Variants in DCHS2 observed in about 807,000 individuals in gnomAD.
DCHS2 encodes protocadherin-23.
A neutral mutation model predicts 182.4 loss-of-function variants in DCHS2; 142 were observed. The ratio of observed to expected loss-of-function variants is 0.78; its 90% CI spans 0.68 to 0.89. The LOEUF (loss-of-function observed/expected upper bound fraction) is 0.89. DCHS2 is among the 40% of genes least tolerant of loss of function. The pLI is 0.00. For synonymous variants in DCHS2, 1,740 were observed against 1,663.3 expected, an observed-to-expected ratio of 1.05 and a Z score of -1.12; for missense variants, 4,319 against 4,198.6, an observed-to-expected ratio of 1.03 and a Z score of -0.79.
chr4:154,272,532 T>C (rs1057372523), intron 13 of DCHS2, among the ~76,000 whole-genome samples: 7 of 152,022 alleles, frequency 4.6e-5, no homozygotes, highest in Non-Finnish European at 8.8e-5. Context: ...TGATAGTGAG[T>C]GAGTTCTCAT....
At chr4:154,481,415 CCA>C (rs984070025) in intron 1 of DCHS2, among the ~76,000 whole-genome samples, 1 of 152,006 alleles carries the variant, frequency 6.6e-6, no homozygotes, top group Non-Finnish European at 1.5e-5. Flanking sequence ...GTGCACATCA[CCA>C]CACCTGGCTA....
intron 1 of DCHS2, among the ~76,000 whole-genome samples, chr4:154,414,014 G>T (rs752474796): frequency 6.6e-6 from 1 of 151,580 alleles, no homozygotes; most frequent in Non-Finnish European, 1.5e-5. Flanking sequence ...TGCTTACTGG[G>T]GTTTATTATC....
chr4:154,455,097 C>T (rs1014659016), intron 1 of DCHS2, among the ~76,000 whole-genome samples: 2 of 152,160 alleles, frequency 1.3e-5, no homozygotes, highest in Non-Finnish European at 2.9e-5. Flanking sequence ...GTCAGAAGTC[C>T]AGTGTAGTAA....
At chr4:154,464,991 G>T (rs771666499) in intron 1 of DCHS2, among the ~76,000 whole-genome samples, 10 of 152,180 alleles carry the variant, frequency 6.6e-5, no homozygotes, top group Non-Finnish European at 1.0e-4. Context: ...CAGGCAACTG[G>T]CAGAAGGTTT....
intron 1 of DCHS2, among the ~76,000 whole-genome samples, chr4:154,457,907 T>TAATCAGGAC (rs1387433264): frequency 3.9e-5 from 6 of 152,208 alleles, no homozygotes; most frequent in African/African-American, 1.4e-4. Context: ...CTGATCTGGA[T>TAATCAGGAC]AATCAGGACA....
intron 3 of DCHS2, among the ~76,000 whole-genome samples, chr4:154,339,630 A>G (rs1421866366): frequency 6.6e-6 from 1 of 151,976 alleles, no homozygotes; most frequent in Non-Finnish European, 1.5e-5. Context: ...TTGTATTTTT[A>G]GTAGAGAGGG....
chr4:154,332,467 T>C lies in DCHS2; in HGVS notation c.3730+11A>G. 6.3e-7 allele frequency: 1 copy of C among 1,594,244 alleles called. No homozygotes were observed. The highest frequency in any genetic ancestry group is 8.6e-7 in the Non-Finnish European group (1 of 1,167,776). On this transcript the variant is annotated intron_variant, in intron 5 of 19. Coordinates refer to ENST00000357232, the MANE Select transcript of DCHS2 (RefSeq NM_001358235.2). ...ATTTTAAAGGAATAGGTGGAAACTATGAAGTGCTACCTGTATTAGGATTCA... is the reference window on the plus strand; with the variant it reads ...ATTTTAAAGGAATAGGTGGAAACTACGAAGTGCTACCTGTATTAGGATTCA...
intron 2 of DCHS2, among the ~76,000 whole-genome samples, chr4:154,376,738 T>C (rs1169186120): frequency 6.6e-6 from 1 of 152,042 alleles, no homozygotes; most frequent in East Asian, 1.9e-4. Context: ...TTATAGGAAA[T>C]AGAGGGAATG....
chr4:154,309,090 C>T (rs1735573413), intron 10 of DCHS2, among the ~76,000 whole-genome samples: 1 of 152,230 alleles, frequency 6.6e-6, no homozygotes, highest in South Asian at 2.1e-4. Context: ...TCTTATCGCA[C>T]TGGCTTCCTT....
chr4:154,377,309 T>A lies in DCHS2; in HGVS notation c.2188A>T (p.Ile730Phe), dbSNP rs143805343. Reference protein sequence around the residue: ...HDGQICVSQDIDRERDPATYD... With the variant: ...HDGQICVSQDFDRERDPATYD... ...GTAGCTGGATCCCTTTCCCTGTCGATATCTTGAGAAACACAGATTTGCCCA... is the reference window on the plus strand; with the variant it reads ...GTAGCTGGATCCCTTTCCCTGTCGAAATCTTGAGAAACACAGATTTGCCCA... The change falls in exon 2 of 20, where the codon ATC (isoleucine) becomes TTC (phenylalanine). Residue 730 changes from isoleucine to phenylalanine, a missense_variant. Ile to Phe is a conservative substitution (Grantham distance 21, BLOSUM62 0). Transcript: ENST00000357232. The A allele has an allele frequency of 1.2e-6, 2 of 1,613,690 alleles. No individual in the cohort carries two copies. The highest frequency in any genetic ancestry group is 1.7e-5 in the Admixed American group (1 of 59,990).
intron 3 of DCHS2, among the ~76,000 whole-genome samples, chr4:154,338,657 G>A (rs1277146692): frequency 3.3e-5 from 5 of 152,120 alleles, no homozygotes; most frequent in African/African-American, 1.2e-4. Flanking sequence ...GATGTCATTT[G>A]GAACACTGAA....
chr4:154,249,212 A>C (rs1371240602), intron 16 of DCHS2, among the ~76,000 whole-genome samples: 2 of 152,216 alleles, frequency 1.3e-5, no homozygotes, highest in African/African-American at 4.8e-5. Context: ...AATATCCAGA[A>C]TCTACAAGGA....
In DCHS2 at chr4:154,436,864, A is replaced by G. The variant is rs1378160083; in HGVS notation, c.2052+52440T>C. 2.6e-5 allele frequency among the ~76,000 whole-genome samples: 4 copies of G among 152,240 alleles called. No individual in the cohort carries two copies. The East Asian group carries it at 7.7e-4, about 29-fold the overall frequency. On this transcript the variant is annotated intron_variant, in intron 1 of 19. Coordinates refer to ENST00000357232, the MANE Select transcript of DCHS2 (RefSeq NM_001358235.2). Reference sequence around the variant, plus strand: ...GATTTCAAAACTTAATTTGAAAACAAAGTATGTAAAATATCTCAATAATGT... The same window carrying G: ...GATTTCAAAACTTAATTTGAAAACAGAGTATGTAAAATATCTCAATAATGT...
intron 10 of DCHS2, among the ~76,000 whole-genome samples, chr4:154,309,591 G>C (rs1166122665): frequency 6.6e-6 from 1 of 152,126 alleles, no homozygotes; most frequent in Non-Finnish European, 1.5e-5. Context: ...TCCAACACCT[G>C]TTTGTAGCAT....
intron 15 of DCHS2, among the ~76,000 whole-genome samples, chr4:154,258,366 G>A (rs1042029758): frequency 2.1e-5 from 2 of 96,110 alleles, no homozygotes; most frequent in African/African-American, 8.0e-5. Context: ...TAAAAGAAAG[G>A]CTTTTTTTTT....
intron 1 of DCHS2, among the ~76,000 whole-genome samples, chr4:154,467,244 A>G (rs1341829185): frequency 6.6e-6 from 1 of 152,198 alleles, no homozygotes. Context: ...TTAATATACA[A>G]TACACCTGAT....
rs1334214328 is a variant in DCHS2, at chr4:154,395,500, A to T, written c.2053-18056T>A. 2.0e-5 allele frequency among the ~76,000 whole-genome samples: 3 copies of T among 152,192 alleles called. No homozygotes were observed. In the East Asian group the frequency reaches 5.8e-4, roughly 29 times the overall value. ...CTATCTCCTGGATTGCTCCGCCATC[A>T]CACTTGTGATCTGCCTCCTGCCATA... is the stretch of plus-strand genomic sequence containing the variant. On this transcript the variant is annotated intron_variant, in intron 1 of 19. Coordinates refer to ENST00000357232, the MANE Select transcript of DCHS2 (RefSeq NM_001358235.2).
At chr4:154,238,135 G>A (rs1346206880) in intron 19 of DCHS2, among the ~76,000 whole-genome samples, 3 of 96,290 alleles carry the variant, frequency 3.1e-5, no homozygotes, top group African/African-American at 1.2e-4. Context: ...CAGAAAGAGA[G>A]ACAGACAGAG....
At chr4:154,253,547 C>A (rs1351963263) in intron 16 of DCHS2, among the ~76,000 whole-genome samples, 1 of 152,096 alleles carries the variant, frequency 6.6e-6, no homozygotes, top group East Asian at 1.9e-4. Context: ...TATCTGCAGT[C>A]ATCCGTGGAA....
Sources: gnomAD v4.1 joint callset for allele counts (sites outside exome capture counted in the v4.1 genomes callset) on GRCh38, gnomAD v4.1.1 for gene constraint, MANE v1.5 for transcripts, NCBI Gene and HGNC (gene_info 2026-07-23, HGNC 2026-07-21) for gene names.